ADGRG7: variants seen among roughly 807,000 people sequenced by gnomAD.
The protein encoded by ADGRG7 is adhesion G protein-coupled receptor G7.
In ADGRG7, 82 loss-of-function variants were observed where a neutral mutation model predicts 88.6. The observed-to-expected ratio is 0.93, with a 90% CI of 0.77 to 1.11. The LOEUF (loss-of-function observed/expected upper bound fraction) is 1.11. Ranked by LOEUF, ADGRG7 falls within the 50% of genes most tolerant of loss-of-function variation. The pLI, the probability that ADGRG7 is intolerant of heterozygous loss-of-function variation, is 0.00. For missense variants in ADGRG7, 945 were observed against 953.4 expected, an observed-to-expected ratio of 0.99 and a Z score of 0.12; for synonymous variants, 381 against 345.2, an observed-to-expected ratio of 1.10 and a Z score of -1.15.
Position 100,646,731 on chromosome 3 carries a change from A to G in ADGRG7, c.1266+7A>G, listed in dbSNP as rs1321665061. On this transcript the variant is annotated splice_region_variant and intron_variant, in intron 10 of 15. Transcript: ENST00000273352. ...TAATTTTGCTGTATTAATGGTAAGG[A>G]TATACATAGCAATCTCTTTCCAGAT... The G allele has an allele frequency of 3.1e-6, 5 of 1,609,486 alleles. No homozygotes were observed. Among genetic ancestry groups the G allele is most frequent in the Non-Finnish European group, 4.2e-6 (5 of 1,176,936 alleles).
rs756918704 is a variant in ADGRG7 at position 100,649,760 on chromosome 3, G to C, written c.1332G>C (p.Leu444=). 3.1e-6 allele frequency: 5 copies of C among 1,611,014 alleles called. No individual in the cohort carries two copies. Among genetic ancestry groups the C allele is most frequent in the Middle Eastern group, 1.7e-4 (1 of 6,056 alleles). ...LDILSNVGCA[L]SVTGLALTVI... Reference sequence around the variant, plus strand: ...TATTATCCAACGTTGGATGTGCACTGTCTGTTACTGGTCTGGCTCTCACAG... The same window carrying C: ...TATTATCCAACGTTGGATGTGCACTCTCTGTTACTGGTCTGGCTCTCACAG... The change falls in exon 11 of 16, where the codon CTG becomes CTC. Residue 444 remains leucine (L), a synonymous_variant. Coordinates refer to ENST00000273352, the MANE Select transcript of ADGRG7 (RefSeq NM_032787.3).
intron 15 of ADGRG7, among the ~76,000 whole-genome samples, chr3:100,672,798 A>G (rs145265353): frequency 6.6e-6 from 1 of 152,084 alleles, no homozygotes; most frequent in East Asian, 1.9e-4. Flanking sequence ...GGCCTTTTCT[A>G]TGTCTATTGA....
chr3:100,686,177 T>C (rs1272361851), intron 15 of ADGRG7, among the ~76,000 whole-genome samples: 5 of 152,006 alleles, frequency 3.3e-5, no homozygotes, highest in Non-Finnish European at 7.4e-5. Context: ...TGTCTTCTTT[T>C]GAGAAGTGTC....
chr3:100,694,036 G>A (rs73147027), intron 15 of ADGRG7, among the ~76,000 whole-genome samples: 3 of 152,188 alleles, frequency 2.0e-5, no homozygotes, highest in Admixed American at 6.5e-5. Flanking sequence ...TTGGGTGATC[G>A]TGGACAAACT....
chr3:100,659,868 C>A, intron 14 of ADGRG7, 25 bp downstream of exon 14: 1 of 1,609,212 alleles, frequency 6.2e-7, no homozygotes, highest in Non-Finnish European at 8.5e-7. Flanking sequence ...GAATGGGAAG[C>A]TGCCAGGCAA....
intron 6 of ADGRG7, among the ~76,000 whole-genome samples, chr3:100,638,811 A>G (rs769861391): frequency 4.6e-5 from 7 of 152,242 alleles, no homozygotes; most frequent in African/African-American, 1.7e-4. Flanking sequence ...AAACTCATGT[A>G]CTTTATTCAT....
rs575526184 is a variant in ADGRG7, at chr3:100,637,945, G to A, written c.698+543G>A. On this transcript the variant is annotated intron_variant, in intron 6 of 15. Coordinates refer to ENST00000273352, the MANE Select transcript of ADGRG7 (RefSeq NM_032787.3). ...CTTGCGGGAGGGAATGTGTAGATGA[G>A]CAAGTGTGGGAATCAGCCAGTCACT... Among the ~76,000 whole-genome samples the A allele has an allele frequency of 6.6e-5, 10 of 152,022 alleles. No individual in the cohort carries two copies. In the South Asian group the frequency reaches 2.1e-3, roughly 32 times the overall value.
rs574570936 is a variant in ADGRG7, at chr3:100,610,132, C to A, written c.115+161C>A. On this transcript the variant is annotated intron_variant, in intron 1 of 15. Coordinates refer to ENST00000273352, the MANE Select transcript of ADGRG7 (RefSeq NM_032787.3). Reference sequence around the variant, plus strand: ...AAAAGACCAAGTCAGTTAAGCCTAGCAGATGGTTGAATAGAAATGAATAGG... The same window carrying A: ...AAAAGACCAAGTCAGTTAAGCCTAGAAGATGGTTGAATAGAAATGAATAGG... Among the ~76,000 whole-genome samples, 133 of 152,308 alleles carry A rather than the reference C, an allele frequency of 8.7e-4. 1 individual carries two copies. Among genetic ancestry groups the A allele is most frequent in the African/African-American group, 3.1e-3 (129 of 41,562 alleles).
chr3:100,692,093 G>A (rs2094994894), intron 15 of ADGRG7, among the ~76,000 whole-genome samples: 1 of 152,210 alleles, frequency 6.6e-6, no homozygotes, highest in Non-Finnish European at 1.5e-5. Context: ...GAGGAGGAAA[G>A]TCTTTGATAC....
chr3:100,644,112 T>C (rs1707696357), intron 8 of ADGRG7, among the ~76,000 whole-genome samples: 1 of 152,194 alleles, frequency 6.6e-6, no homozygotes, highest in Non-Finnish European at 1.5e-5. Flanking sequence ...GCCCACCATG[T>C]GCTCACTATT....
intron 1 of ADGRG7, among the ~76,000 whole-genome samples, chr3:100,621,212 C>A (rs561162251): frequency 6.6e-6 from 1 of 152,234 alleles, no homozygotes; most frequent in South Asian, 2.1e-4. Context: ...AATAATCCTA[C>A]AATGGCCTCT....
At chr3:100,637,056 G>A (rs1164408513) in intron 5 of ADGRG7, among the ~76,000 whole-genome samples, 1 of 152,050 alleles carries the variant, frequency 6.6e-6, no homozygotes, top group Admixed American at 6.5e-5. Context: ...CTTGCTATGA[G>A]GTCGAATTCA....
In ADGRG7 at chr3:100,629,411, AG is replaced by A. The variant is rs368125843; in HGVS notation, c.116-186del. Among the ~76,000 whole-genome samples the A allele has an allele frequency of 3.7e-4, 57 of 152,104 alleles. 2 individuals are homozygous for A. In the East Asian group the frequency reaches 4.6e-3, roughly 12 times the overall value. On this transcript the variant is annotated intron_variant, in intron 1 of 15. Transcript: ENST00000273352. ...CATCTTTCTGGTATCCATAGCATCT[AG>A]TAAGCATTGTACATCTAGTGTAGAT...
intron 15 of ADGRG7, among the ~76,000 whole-genome samples, chr3:100,691,979 GA>G (rs1452102666): frequency 6.6e-6 from 1 of 152,132 alleles, no homozygotes; most frequent in African/African-American, 2.4e-5. Context: ...ATTTCATGAA[GA>G]AACTGCAATT....
chr3:100,642,932 C>A (rs747881803), intron 6 of ADGRG7, among the ~76,000 whole-genome samples: 5 of 152,152 alleles, frequency 3.3e-5, no homozygotes, highest in Non-Finnish European at 4.4e-5. Flanking sequence ...GCATGCCTTG[C>A]CAATGGTGGG....
At chr3:100,629,510 T>A (rs1334671430) in intron 1 of ADGRG7, 88 bp from the exon 2 acceptor site, 1 of 791,268 alleles carries the variant, frequency 1.3e-6, no homozygotes, top group Non-Finnish European at 2.2e-6. Flanking sequence ...AGCAGTGGTT[T>A]TACGTGTAGA....
At chr3:100,675,754 G>A (rs550399794) in intron 15 of ADGRG7, among the ~76,000 whole-genome samples, 7 of 152,160 alleles carry the variant, frequency 4.6e-5, no homozygotes, top group African/African-American at 1.4e-4. Flanking sequence ...TCTTTGCTAG[G>A]AAACTTTTTA....
chr3:100,692,719 G>A (rs138707477), intron 15 of ADGRG7, among the ~76,000 whole-genome samples: 1 of 152,226 alleles, frequency 6.6e-6, no homozygotes, highest in African/African-American at 2.4e-5. Flanking sequence ...ATAAAATGGA[G>A]TAGTGGGGCA....
At chr3:100,619,607 A>G (rs1324096475) in intron 1 of ADGRG7, among the ~76,000 whole-genome samples, 4 of 152,294 alleles carry the variant, frequency 2.6e-5, no homozygotes, top group African/African-American at 4.8e-5. Flanking sequence ...CAAAAAATCA[A>G]TGAATCCAGG....
Sources: gnomAD v4.1 joint callset for allele counts (sites outside exome capture counted in the v4.1 genomes callset) on GRCh38, gnomAD v4.1.1 for gene constraint, MANE v1.5 for transcripts, NCBI Gene and HGNC (gene_info 2026-07-23, HGNC 2026-07-21) for gene names.